STK35: variants seen among roughly 807,000 people sequenced by gnomAD.
STK35 encodes serine/threonine kinase 35, also known as serine/threonine-protein kinase 35.
In STK35, 17 loss-of-function variants were observed where a neutral mutation model predicts 37.3. The ratio of observed to expected loss-of-function variants is 0.46; its 90% confidence interval spans 0.31 to 0.68. The LOEUF is 0.68. Among genes scored for constraint, STK35 ranks in the 30% least tolerant of loss-of-function variants. The pLI is 0.05. For synonymous variants in STK35, 385 were observed against 319.1 expected (o/e 1.21, Z -2.20); for missense variants, 595 against 746.7 (o/e 0.80, Z 2.37).
chr20:2,143,478 C>T (rs6106280), intron 3 of STK35, among the ~76,000 whole-genome samples: 43,307 of 151,928 alleles, frequency 0.29, 7,873 homozygotes, highest in East Asian at 0.92. Flanking sequence ...CCTAATAGTA[C>T]GGGGAAGCCA....
chr20:2,140,804 CAG>C (rs1418798240), intron 3 of STK35, among the ~76,000 whole-genome samples: 2 of 152,190 alleles, frequency 1.3e-5, no homozygotes, highest in Non-Finnish European at 2.9e-5. Flanking sequence ...GCTGGTGTCT[CAG>C]GAGTTCTTGC....
chr20:2,123,948 T>C (rs564843908), intron 3 of STK35, among the ~76,000 whole-genome samples: 1 of 152,300 alleles, frequency 6.6e-6, no homozygotes, highest in African/African-American at 2.4e-5. Context: ...CAGTGATTCA[T>C]GGTCGTCCCT....
chr20:2,106,902 TG>T (rs1568573519), intron 2 of STK35, among the ~76,000 whole-genome samples: 1 of 152,198 alleles, frequency 6.6e-6, no homozygotes, highest in Non-Finnish European at 1.5e-5. Context: ...GGAAGGAAAC[TG>T]AAGCCCAGAA....
Position 2,103,014 on chromosome 20 carries a change from C to G in STK35, c.541C>G (p.Pro181Ala). 2 of 1,430,266 alleles carry G rather than the reference C, an allele frequency of 1.4e-6. No homozygotes were observed. Among genetic ancestry groups the G allele is most frequent in the South Asian group, 1.5e-5 (1 of 68,356 alleles). 88.6% of individuals were successfully genotyped at this position (1,430,266 alleles called of 1,614,324 possible). A position where few individuals can be genotyped will look rare whatever the true frequency, so the allele number is the denominator to read the frequency against. Residue 181 changes from proline to alanine, a missense_variant, in exon 2 of 4, where the codon CCG becomes GCG. Physicochemically the swap from Pro to Ala is conservative, Grantham distance 27. Coordinates refer to ENST00000381482, the MANE Select transcript of STK35 (RefSeq NM_080836.4). Reference sequence around the variant, plus strand: ...CATGGATCCGGTGGCGGCCGAGGCCCCGGGCGAGGCCTTCCTGGCGCGGCG... The same window carrying G: ...CATGGATCCGGTGGCGGCCGAGGCCGCGGGCGAGGCCTTCCTGGCGCGGCG... ...RAMDPVAAEA[P>A]GEAFLARRRP...
At chr20:2,111,617 C>T (rs1057265917) in intron 2 of STK35, among the ~76,000 whole-genome samples, 4 of 152,128 alleles carry the variant, frequency 2.6e-5, no homozygotes, top group Admixed American at 2.6e-4. Context: ...GCAGGAGGCT[C>T]CCTTGAGCCC....
chr20:2,103,041 C>A lies in STK35; in HGVS notation c.568C>A (p.Arg190=). 6.7e-7 allele frequency: 1 copy of A among 1,497,132 alleles called. No individual in the cohort carries two copies. The allele number at this position is 1,497,132 out of a possible 1,614,324, so 92.7% of individuals were successfully genotyped here. Residue 190 remains arginine (R), a synonymous_variant, in exon 2 of 4, where the codon CGG becomes AGG. Coordinates refer to ENST00000381482, the MANE Select transcript of STK35 (RefSeq NM_080836.4). ...GGGCGAGGCCTTCCTGGCGCGGCGA[C>A]GGCCTGAGGGCGGTGGCGGGTCCGC... is the stretch of plus-strand genomic sequence containing the variant. ...APGEAFLARR[R]PEGGGGSARP...
intron 3 of STK35, among the ~76,000 whole-genome samples, chr20:2,140,007 A>G (rs925013921): frequency 1.3e-5 from 2 of 152,206 alleles, no homozygotes; most frequent in African/African-American, 4.8e-5. Context: ...GACTTTGGGT[A>G]GTAAAGCTGG....
At position 2,134,527 on chromosome 20, in the gene STK35, G is replaced by A. The variant is rs1281081191; in HGVS notation, c.*38-9257G>A. Among the ~76,000 whole-genome samples the A allele has an allele frequency of 3.3e-5, 5 of 152,302 alleles. 1 individual carries two copies. The East Asian group carries it at 9.7e-4, about 29-fold the overall frequency. On this transcript the variant is annotated intron_variant, in intron 3 of 3. Transcript: ENST00000381482. Reference sequence around the variant, plus strand: ...TTAATAAATAAGGGGCCTATAGAGGGCCTCTTCTCAGTATTCTTTGTGCCA... The same window carrying A: ...TTAATAAATAAGGGGCCTATAGAGGACCTCTTCTCAGTATTCTTTGTGCCA...
chr20:2,103,937 C>A (rs1185773693), intron 2 of STK35, among the ~76,000 whole-genome samples: 1 of 152,182 alleles, frequency 6.6e-6, no homozygotes, highest in Non-Finnish European at 1.5e-5. Context: ...TGACTGTCTT[C>A]TGGCTTGGTC....
At chr20:2,142,430 G>T (rs967377039) in intron 3 of STK35, among the ~76,000 whole-genome samples, 1 of 152,180 alleles carries the variant, frequency 6.6e-6, no homozygotes, top group Non-Finnish European at 1.5e-5. Flanking sequence ...TGGCAGCCAC[G>T]GTGCTGGCTC....
At chr20:2,103,457 CCT>C in intron 2 of STK35, 92 bp downstream of exon 2, 2 of 1,253,044 alleles carry the variant, frequency 1.6e-6, no homozygotes, top group Non-Finnish European at 2.2e-6. Flanking sequence ...CCTTCCTAGG[CCT>C]CAGACCTGGT....
chr20:2,143,859 G>A lies in STK35; in HGVS notation c.*113G>A, dbSNP rs895334753. ...AGAGGGTACAGGTGGTGGCCTGGCC[G>A]GTTGGCGATCTCCCGACAGCTGGAT... On this transcript the variant is annotated 3_prime_UTR_variant, in exon 4 of 4. Coordinates refer to ENST00000381482, the MANE Select transcript of STK35 (RefSeq NM_080836.4). 2.5e-5 allele frequency: 11 copies of A among 442,738 alleles called. No individual in the cohort carries two copies. The highest frequency in any genetic ancestry group is 1.4e-4 in the East Asian group (2 of 13,812). The allele number at this position is 442,738 out of a possible 1,614,324, so 27.4% of individuals were successfully genotyped here.
At chr20:2,136,352 C>G (rs1305740502) in intron 3 of STK35, among the ~76,000 whole-genome samples, 1 of 152,338 alleles carries the variant, frequency 6.6e-6, no homozygotes, top group East Asian at 1.9e-4. Context: ...CCTCATTTCT[C>G]TCACCCAGCT....
intron 2 of STK35, among the ~76,000 whole-genome samples, chr20:2,111,426 G>A (rs1254532519): frequency 3.9e-5 from 6 of 152,176 alleles, no homozygotes; most frequent in Non-Finnish European, 8.8e-5. Flanking sequence ...CAGGCGTGGT[G>A]GCTCATGCCT....
At chr20:2,123,034 C>T (rs759005859) in intron 3 of STK35, among the ~76,000 whole-genome samples, 2 of 152,172 alleles carry the variant, frequency 1.3e-5, no homozygotes, top group African/African-American at 2.4e-5. Flanking sequence ...TGCAGGAAGC[C>T]AGCCAAACTG....
At chr20:2,130,651 T>C (rs1018807171) in intron 3 of STK35, among the ~76,000 whole-genome samples, 1 of 152,224 alleles carries the variant, frequency 6.6e-6, no homozygotes, top group African/African-American at 2.4e-5. Context: ...AAATTGATTT[T>C]GAGAACTACT....
rs1007798012 is a variant in STK35 at position 2,145,846 on chromosome 20, C to G, written c.*2100C>G. 2 of 152,210 alleles carry G rather than the reference C, an allele frequency of 1.3e-5. No homozygotes were observed. The highest frequency in any genetic ancestry group is 6.5e-5 in the Admixed American group (1 of 15,272). 9.4% of individuals were successfully genotyped at this position (152,210 alleles called of 1,614,324 possible). ...AAACAGTCCCCAAACCCAGCACCCCCCTCTCCCTGGCTGCAGCCCACACTG... is the reference window on the plus strand; with the variant it reads ...AAACAGTCCCCAAACCCAGCACCCCGCTCTCCCTGGCTGCAGCCCACACTG... On this transcript the variant is annotated 3_prime_UTR_variant, in exon 4 of 4. Coordinates refer to ENST00000381482, the MANE Select transcript of STK35 (RefSeq NM_080836.4).
intron 2 of STK35, among the ~76,000 whole-genome samples, chr20:2,108,579 C>T (rs2122543290): frequency 6.6e-6 from 1 of 152,336 alleles, no homozygotes; most frequent in African/African-American, 2.4e-5. Context: ...TGTGGCACTG[C>T]TGATTTCTGT....
intron 2 of STK35, among the ~76,000 whole-genome samples, chr20:2,104,339 G>C (rs1985472499): frequency 6.6e-6 from 1 of 152,182 alleles, no homozygotes; most frequent in South Asian, 2.1e-4. Context: ...CCCAGCTGTG[G>C]TCTCAGTGCT....
Sources: allele counts gnomAD v4.1 joint callset (sites outside exome capture counted in the v4.1 genomes callset), GRCh38; gene constraint gnomAD v4.1.1; transcripts MANE v1.5; gene names NCBI Gene and HGNC (gene_info 2026-07-23, HGNC 2026-07-21).